The following ALAD variants were observed in gnomAD, a reference collection of about 807,000 sequenced individuals.
The protein encoded by ALAD is aminolevulinate dehydratase, also known as delta-aminolevulinic acid dehydratase.
Under a neutral mutation model 44.4 loss-of-function variants are expected in ALAD, and 20 were observed. That is an observed-to-expected ratio of 0.45 (90% confidence interval 0.32 to 0.65). The LOEUF (loss-of-function observed/expected upper bound fraction) is 0.65, where lower values mean the gene tolerates loss of function less well. ALAD is among the 30% of genes least tolerant of loss of function. The probability of loss-of-function intolerance (pLI) is 0.05; values close to 1 mark genes in which losing one functional copy is unlikely to be tolerated. For missense variants in ALAD, 323 were observed against 445.7 expected (o/e 0.72, Z 2.48); for synonymous variants, 156 against 167.9 (o/e 0.93, Z 0.55).
At chr9:113,388,837 T>C in intron 11 of ALAD, 140 bp downstream of exon 11, 1 of 1,339,678 alleles carries the variant, frequency 7.5e-7, no homozygotes, top group Non-Finnish European at 1.1e-6. Flanking sequence ...CCATATCTCT[T>C]CCTCAGTGTG....
At position 113,386,760 on chromosome 9, in the gene ALAD, A is replaced by C. The variant is rs1245415938; in HGVS notation, c.*1540T>G. Reference sequence around the variant, plus strand: ...TGAGTGGCCTTAGGTGAGTCACATAAGCACTCTAGATATAGCTTCCTTATT... The same window carrying C: ...TGAGTGGCCTTAGGTGAGTCACATACGCACTCTAGATATAGCTTCCTTATT... On this transcript the variant is annotated 3_prime_UTR_variant, in exon 12 of 12. Coordinates refer to ENST00000409155, the MANE Select transcript of ALAD (RefSeq NM_000031.6). 6.6e-6 allele frequency: 1 copy of C among 152,146 alleles called. No homozygotes were observed. Among genetic ancestry groups the C allele is most frequent in the Non-Finnish European group, 1.5e-5 (1 of 68,032 alleles). The allele number at this position is 152,146 out of a possible 1,614,324, so 9.4% of individuals were successfully genotyped here.
At chr9:113,394,961 A>G (rs976116623) in intron 1 of ALAD, among the ~76,000 whole-genome samples, 3 of 152,100 alleles carry the variant, frequency 2.0e-5, no homozygotes, top group Admixed American at 6.5e-5. Context: ...AGGCTGAGGC[A>G]GGAGAACTGC....
chr9:113,401,020 C>T (rs970018998), intron 1 of ALAD, among the ~76,000 whole-genome samples, 192 bp downstream of exon 1: 3 of 152,126 alleles, frequency 2.0e-5, no homozygotes, highest in African/African-American at 7.2e-5. Context: ...GAACCCGGGC[C>T]CCCAACCTCG....
chr9:113,388,260 C>T lies in ALAD; in HGVS notation c.*40G>A, dbSNP rs751029544. ...TTTCACTTGTCTGAGGCCCCGGGAA[C>T]GTTTTAAAGTTCTAGTTCTTGGGCC... On this transcript the variant is annotated 3_prime_UTR_variant, in exon 12 of 12. Coordinates refer to ENST00000409155, the MANE Select transcript of ALAD (RefSeq NM_000031.6). 22 of 1,606,192 alleles carry T rather than the reference C, an allele frequency of 1.4e-5. 1 individual carries two copies. The highest frequency in any genetic ancestry group is 6.6e-5 in the South Asian group (6 of 90,944).
Position 113,391,593 on chromosome 9 carries a change from C to G in ALAD, c.195G>C (p.Leu65=). ...RYGVKRLEEM[L]RPLVEEGLRC... The stretch of plus-strand genomic sequence containing the variant: ...GTAGGCCCTCTTCCACCAAGGGCCT[C>G]AGCATCTCTTCCAGCCGCTTCACAC... The change falls in exon 4 of 12, where the codon CTG becomes CTC. Residue 65 remains leucine (L), a synonymous_variant. Transcript: ENST00000409155. 1 of 1,614,152 alleles carries G rather than the reference C, an allele frequency of 6.2e-7. No individual in the cohort carries two copies. Among genetic ancestry groups the G allele is most frequent in the Non-Finnish European group, 8.5e-7 (1 of 1,180,012 alleles).
Position 113,390,393 on chromosome 9 carries a change from C to A in ALAD, c.570+12G>T. ...TCTCCTGCCAGCCCTGTGCTGCATT[C>A]CCTGCCCTTACCCTGTTGCCAAGTC... On this transcript the variant is annotated intron_variant, in intron 7 of 11. Transcript: ENST00000409155. 6.2e-7 allele frequency: 1 copy of A among 1,613,608 alleles called. No individual in the cohort carries two copies. Among genetic ancestry groups the A allele is most frequent in the Non-Finnish European group, 8.5e-7 (1 of 1,179,814 alleles).
chr9:113,394,251 T>C (rs1827670316), intron 1 of ALAD, among the ~76,000 whole-genome samples: 1 of 149,928 alleles, frequency 6.7e-6, no homozygotes, highest in Non-Finnish European at 1.5e-5. Flanking sequence ...AAAAAGTAAT[T>C]TTCTAGCTGG....
intron 10 of ALAD, 66 bp from the exon 11 acceptor site, chr9:113,389,172 TC>T: frequency 6.3e-7 from 1 of 1,597,068 alleles, no homozygotes; most frequent in Non-Finnish European, 8.5e-7. Flanking sequence ...AAGCGTCCCT[TC>T]CCCCCTGCTC....
chr9:113,389,403 C>G, intron 10 of ALAD, 35 bp downstream of exon 10: 1 of 1,608,866 alleles, frequency 6.2e-7, no homozygotes, highest in Non-Finnish European at 8.5e-7. Flanking sequence ...CTGTCCCAGC[C>G]CCCTGAGCCC....
intron 2 of ALAD, 53 bp downstream of exon 2, chr9:113,393,394 A>AACCCC: frequency 2.8e-6 from 4 of 1,404,486 alleles, no homozygotes; most frequent in Non-Finnish European, 4.0e-6. Context: ...CTCCCTCCCC[A>AACCCC]ACCCCAACCC....
chr9:113,394,341 C>T (rs562588380), intron 1 of ALAD, among the ~76,000 whole-genome samples: 1 of 151,186 alleles, frequency 6.6e-6, no homozygotes, highest in African/African-American at 2.4e-5. Context: ...AGTTCGAGAC[C>T]AGCCTGGGCA....
chr9:113,392,056 C>A, intron 3 of ALAD, 63 bp downstream of exon 3: 1 of 1,454,668 alleles, frequency 6.9e-7, no homozygotes, highest in Non-Finnish European at 9.5e-7. Context: ...TGCCTCCCAG[C>A]ACTTCCACCT....
At chr9:113,399,213 AAT>A (rs1175046210) in intron 1 of ALAD, among the ~76,000 whole-genome samples, 1 of 152,194 alleles carries the variant, frequency 6.6e-6, no homozygotes, top group Non-Finnish European at 1.5e-5. Flanking sequence ...TAATCTACAA[AAT>A]AGGCATGATA....
At chr9:113,398,595 G>A (rs1827790260) in intron 1 of ALAD, among the ~76,000 whole-genome samples, 2 of 152,264 alleles carry the variant, frequency 1.3e-5, no homozygotes, top group African/African-American at 2.4e-5. Flanking sequence ...TTTGAGAAAC[G>A]GCTGTCAGTG....
At chr9:113,390,565 TG>T (rs750149626) in intron 6 of ALAD, 27 bp downstream of exon 6, 1 of 1,613,928 alleles carries the variant, frequency 6.2e-7, no homozygotes, top group Non-Finnish European at 8.5e-7. Flanking sequence ...GACCCAGAGG[TG>T]CCCATCCCTG....
At position 113,390,430 on chromosome 9, in the gene ALAD, A is replaced by G. The variant is rs764404559; in HGVS notation, c.545T>C (p.Leu182Pro). The part of the protein sequence containing the change: ...DGRVEAIKEA[L>P]MAHGLGNRVS... The stretch of plus-strand genomic sequence containing the variant: ...CCTGTTGCCAAGTCCATGTGCCATC[A>G]GGGCCTCTTTGATGGCTTCCACGCG... The change falls in exon 7 of 12, where the codon CTG becomes CCG. Residue 182 changes from leucine to proline, a missense_variant. Leu to Pro is a moderately conservative substitution (Grantham distance 98). Transcript: ENST00000409155. The G allele has an allele frequency of 5.6e-6, 9 of 1,613,926 alleles. No individual in the cohort carries two copies. Among genetic ancestry groups the G allele is most frequent in the African/African-American group, 1.3e-5 (1 of 74,896 alleles).
chr9:113,391,160 A>G (rs1827571755), intron 4 of ALAD, among the ~76,000 whole-genome samples: 1 of 152,186 alleles, frequency 6.6e-6, no homozygotes, highest in African/African-American at 2.4e-5. Context: ...GTGAGGGTGC[A>G]GTCAGTGTGG....
intron 1 of ALAD, among the ~76,000 whole-genome samples, chr9:113,397,693 C>T (rs565221172): frequency 2.3e-4 from 32 of 141,712 alleles, no homozygotes; most frequent in Admixed American, 6.0e-4. Context: ...GGTTCGATCT[C>T]GGCTCACTGC....
intron 10 of ALAD, 72 bp downstream of exon 10, chr9:113,389,366 C>G (rs1055656092): frequency 3.2e-6 from 5 of 1,573,366 alleles, no homozygotes; most frequent in Non-Finnish European, 4.4e-6. Context: ...GCTTCCAACT[C>G]TGAGATTCCA....
Sources: gnomAD v4.1 joint callset for allele counts (sites outside exome capture counted in the v4.1 genomes callset) on GRCh38, gnomAD v4.1.1 for gene constraint, MANE v1.5 for transcripts, NCBI Gene and HGNC (gene_info 2026-07-23, HGNC 2026-07-21) for gene names.